CRB1: variants seen among roughly 807,000 people sequenced by gnomAD.
CRB1 encodes crumbs cell polarity complex component 1.
In CRB1, 83 loss-of-function variants were observed where a neutral mutation model predicts 120.0. The observed-to-expected ratio is 0.69, with a 90% CI of 0.58 to 0.83. The LOEUF (loss-of-function observed/expected upper bound fraction) is 0.83. Among genes scored for constraint, CRB1 ranks in the 40% least tolerant of loss-of-function variants. The pLI is 0.00. For synonymous variants in CRB1, 625 were observed against 612.5 expected, an observed-to-expected ratio of 1.02 and a Z score of -0.30; for missense variants, 1,699 against 1,687.6, an observed-to-expected ratio of 1.01 and a Z score of -0.12.
chr1:197,469,976 AC>A (rs1167755066), intron 11 of CRB1, among the ~76,000 whole-genome samples: 2 of 152,112 alleles, frequency 1.3e-5, no homozygotes, highest in African/African-American at 4.8e-5. Flanking sequence ...TGCCAGCAGC[AC>A]CTCAGAGATG....
the CRB1 span, among the ~76,000 whole-genome samples, chr1:197,232,503 C>T: frequency 5.9e-5 from 9 of 152,132 alleles, no homozygotes; most frequent in African/African-American, 1.4e-4. Context: ...AGATGATGAC[C>T]AGAACATGGT....
At chr1:197,341,144 A>G (rs565121515) in intron 2 of CRB1, among the ~76,000 whole-genome samples, 8 of 152,216 alleles carry the variant, frequency 5.3e-5, no homozygotes, top group African/African-American at 1.9e-4. Flanking sequence ...GGAATTCAAG[A>G]TGGGATTTGG....
chr1:197,205,190 TATC>T, the CRB1 span, among the ~76,000 whole-genome samples: 23 of 152,186 alleles, frequency 1.5e-4, no homozygotes, highest in Non-Finnish European at 3.4e-4. Flanking sequence ...CTAGGTATCA[TATC>T]ATCAGCAAGC....
chr1:197,267,753 C>T (rs1490492302), upstream of CRB1, among the ~76,000 whole-genome samples: 2 of 152,078 alleles, frequency 1.3e-5, no homozygotes, highest in Non-Finnish European at 1.5e-5. Flanking sequence ...CAAGAAATCC[C>T]AGAGCATATA....
intron 5 of CRB1, among the ~76,000 whole-genome samples, chr1:197,375,331 G>A (rs10754222): frequency 0.25 from 38,400 of 152,064 alleles, 5,317 homozygotes; most frequent in Middle Eastern, 0.39. Context: ...TTGCTAGATG[G>A]ATGGTGTACC....
At chr1:197,275,534 A>G (rs1317297691) in intron 1 of CRB1, among the ~76,000 whole-genome samples, 1 of 151,884 alleles carries the variant, frequency 6.6e-6, no homozygotes, top group Non-Finnish European at 1.5e-5. Flanking sequence ...TTGTTCTCTT[A>G]TTTTCCCCCT....
At chr1:197,370,998 T>A (rs1661341499) in intron 5 of CRB1, among the ~76,000 whole-genome samples, 1 of 152,192 alleles carries the variant, frequency 6.6e-6, no homozygotes, top group Non-Finnish European at 1.5e-5. Context: ...ATAACCTTCC[T>A]AAAAACATCA....
chr1:197,392,245 A>T (rs1363935561), intron 5 of CRB1, among the ~76,000 whole-genome samples: 2 of 151,906 alleles, frequency 1.3e-5, no homozygotes, highest in Admixed American at 1.3e-4. Flanking sequence ...AAAAACAAAG[A>T]TATACATACA....
In CRB1 at chr1:197,328,862, T is replaced by A. The variant is rs758198947; in HGVS notation, c.511T>A (p.Ser171Thr). ...GTGCCAGGATGGAATTGATGGTTAC[T>A]CCTGCTTCTGTGTCCCAGGATATCA... ...AVCQDGIDGYSCFCVPGYQGR... is the reference protein window; with the variant it reads ...AVCQDGIDGYTCFCVPGYQGR... The change falls in exon 2 of 12, where the codon TCC (serine) becomes ACC (threonine). Residue 171 changes from serine to threonine, a missense_variant. Coordinates refer to ENST00000367400, the MANE Select transcript of CRB1 (RefSeq NM_201253.3). The A allele has an allele frequency of 5.0e-6, 8 of 1,614,212 alleles. No homozygotes were observed. The East Asian group carries it at 1.1e-4, about 22-fold the overall frequency.
chr1:197,437,404 C>G (rs1329008675), intron 9 of CRB1, among the ~76,000 whole-genome samples: 1 of 152,104 alleles, frequency 6.6e-6, no homozygotes, highest in Admixed American at 6.6e-5. Context: ...GTATATTTCA[C>G]TGTGAATTTT....
At chr1:197,456,578 A>G (rs1666296157) in intron 11 of CRB1, among the ~76,000 whole-genome samples, 1 of 152,156 alleles carries the variant, frequency 6.6e-6, no homozygotes, top group Non-Finnish European at 1.5e-5. Context: ...CAAGTGAGCC[A>G]CACTGTCCAT....
chr1:197,463,844 G>A (rs1255589206), intron 11 of CRB1, among the ~76,000 whole-genome samples: 1 of 152,104 alleles, frequency 6.6e-6, no homozygotes, highest in Non-Finnish European at 1.5e-5. Flanking sequence ...CCAGATACAG[G>A]AAAGATTAAC....
intron 1 of CRB1, among the ~76,000 whole-genome samples, chr1:197,284,559 A>G (rs1195471522): frequency 6.6e-6 from 1 of 151,988 alleles, no homozygotes; most frequent in South Asian, 2.1e-4. Flanking sequence ...AGTCATTTCC[A>G]TGGAACTCTC....
intron 5 of CRB1, among the ~76,000 whole-genome samples, chr1:197,367,321 G>A (rs1046907004): frequency 3.3e-5 from 5 of 152,086 alleles, no homozygotes; most frequent in Admixed American, 6.5e-5. Flanking sequence ...AAAATGATGC[G>A]CAAAGTGTAA....
intron 5 of CRB1, among the ~76,000 whole-genome samples, chr1:197,399,377 T>C (rs376667669): frequency 3.9e-5 from 6 of 152,142 alleles, no homozygotes; most frequent in African/African-American, 1.4e-4. Flanking sequence ...TAGGAAATAG[T>C]CAAATAGGGT....
intron 2 of CRB1, among the ~76,000 whole-genome samples, chr1:197,336,288 G>A (rs1659152540): frequency 6.6e-6 from 1 of 152,170 alleles, no homozygotes. Context: ...TTGAATCTGG[G>A]CTTGGTGTTC....
the CRB1 span, among the ~76,000 whole-genome samples, chr1:197,229,834 G>A: frequency 3.3e-5 from 5 of 151,946 alleles, no homozygotes; most frequent in Non-Finnish European, 7.4e-5. Flanking sequence ...TTTTCCTCAC[G>A]ATTTAAGCAG....
intron 1 of CRB1, among the ~76,000 whole-genome samples, chr1:197,312,409 C>CA (rs1001189136): frequency 6.6e-5 from 10 of 151,866 alleles, no homozygotes; most frequent in East Asian, 1.9e-4. Context: ...ACTAAAAATA[C>CA]AAAAAAACAA....
At chr1:197,309,581 T>A (rs1052321417) in intron 1 of CRB1, among the ~76,000 whole-genome samples, 2 of 151,802 alleles carry the variant, frequency 1.3e-5, no homozygotes, top group African/African-American at 4.8e-5. Flanking sequence ...GGTGAAAACC[T>A]GTCTCTACTA....
Sources: allele counts gnomAD v4.1 joint callset (sites outside exome capture counted in the v4.1 genomes callset), GRCh38; gene constraint gnomAD v4.1.1; transcripts MANE v1.5; gene names NCBI Gene and HGNC (gene_info 2026-07-23, HGNC 2026-07-21).